PTCD1: variants seen among roughly 807,000 people sequenced by gnomAD.
PTCD1 encodes pentatricopeptide repeat-containing protein 1, mitochondrial.
In PTCD1, 50 loss-of-function variants were observed where a neutral mutation model predicts 53.4. The ratio of observed to expected loss-of-function variants is 0.94; its 90% confidence interval spans 0.75 to 1.19. The LOEUF (loss-of-function observed/expected upper bound fraction) is 1.19, where lower values mean the gene tolerates loss of function less well. Ranked by LOEUF, PTCD1 falls within the 50% of genes most tolerant of loss-of-function variation. The pLI, the probability that PTCD1 is intolerant of heterozygous loss-of-function variation, is 0.00. For missense variants in PTCD1, 918 were observed against 904.8 expected, an observed-to-expected ratio of 1.01 and a Z score of -0.19; for synonymous variants, 413 against 394.8, an observed-to-expected ratio of 1.05 and a Z score of -0.55.
intron 7 of PTCD1, among the ~76,000 whole-genome samples, chr7:99,422,197 A>G (rs10264303): frequency 0.087 from 13,270 of 152,264 alleles, 1,835 homozygotes; most frequent in African/African-American, 0.29. Flanking sequence ...TCAGCCAGAC[A>G]CAATTTCCAT....
At chr7:99,420,592 T>A (rs1183552099) in intron 7 of PTCD1, among the ~76,000 whole-genome samples, 1 of 152,126 alleles carries the variant, frequency 6.6e-6, no homozygotes, top group East Asian at 1.9e-4. Flanking sequence ...AGACACAAAC[T>A]GAGAGCTGGT....
In PTCD1 at chr7:99,419,318, G is replaced by A. The variant is rs1257878942; in HGVS notation, c.*649C>T. The A allele has an allele frequency of 2.7e-5, 42 of 1,561,584 alleles. 1 individual carries two copies. The Admixed American group carries it at 6.7e-4, about 25-fold the overall frequency. On this transcript the variant is annotated 3_prime_UTR_variant, in exon 8 of 8. Transcript: ENST00000292478. ...ATGGTGGCAGGTCCTTCGTGGGAGG[G>A]TTGCCACATATGTGAGTGTGCAGGG...
intron 3 of PTCD1, 142 bp from the exon 4 acceptor site, chr7:99,429,948 A>T: frequency 9.5e-7 from 1 of 1,049,574 alleles, no homozygotes; most frequent in Non-Finnish European, 1.4e-6. Flanking sequence ...CCATGGACAC[A>T]TCAGAGCCCA....
chr7:99,429,230 ACTGAGAAC>A, intron 4 of PTCD1, 26 bp from the exon 5 acceptor site: 6 of 1,612,590 alleles, frequency 3.7e-6, no homozygotes, highest in Non-Finnish European at 5.1e-6. Context: ...AAGACGTCCC[ACTGAGAAC>A]CTGCAGCAGG....
chr7:99,426,672 G>C (rs1490421067), intron 5 of PTCD1, among the ~76,000 whole-genome samples: 3 of 147,334 alleles, frequency 2.0e-5, no homozygotes, highest in African/African-American at 2.5e-5. Flanking sequence ...CTGCCTGGCT[G>C]CCCAGTCTGG....
Position 99,419,932 on chromosome 7 carries a change from T to TG in PTCD1, c.*34dup. The TG allele has an allele frequency of 6.2e-7, 1 of 1,613,504 alleles. No individual in the cohort carries two copies. Among genetic ancestry groups the TG allele is most frequent in the Non-Finnish European group, 8.5e-7 (1 of 1,180,008 alleles). ...TTGTCCTGGGGCTCCCACAGAGCAC[T>TG]GGGGGCCGAGCACATTGTTCCAGCT... On this transcript the variant is annotated 3_prime_UTR_variant, in exon 8 of 8. Coordinates refer to ENST00000292478, the MANE Select transcript of PTCD1 (RefSeq NM_015545.4).
In PTCD1 at chr7:99,433,280, G is replaced by A; in HGVS notation, c.592C>T (p.Gln198Ter). The stretch of plus-strand genomic sequence containing the variant: ...GGCTGCCCTGCGCCCACATGCACCT[G>A]GTTGTAGAGGTTGAAGGCCTTCTTC... ...YLKKAFNLYNQMKKRDLEPSD... is the reference protein window; with the variant it reads ...YLKKAFNLYN Residue 198 changes from glutamine to a stop codon, truncating the protein, a stop_gained and splice_region_variant, in exon 3 of 8, where the codon CAG (glutamine) becomes TAG (stop). Transcript: ENST00000292478. LOFTEE classifies it high-confidence loss of function. 1.2e-6 allele frequency: 2 copies of A among 1,614,180 alleles called. No homozygotes were observed. The highest frequency in any genetic ancestry group is 1.7e-6 in the Non-Finnish European group (2 of 1,180,036).
chr7:99,420,670 G>A (rs1795764481), intron 7 of PTCD1, among the ~76,000 whole-genome samples: 1 of 152,196 alleles, frequency 6.6e-6, no homozygotes, highest in Admixed American at 6.5e-5. Context: ...AATGACAAAA[G>A]GTTTGGCCGG....
chr7:99,434,601 A>C (rs1314786315), intron 2 of PTCD1, among the ~76,000 whole-genome samples, 189 bp downstream of exon 2: 3 of 151,588 alleles, frequency 2.0e-5, no homozygotes, highest in Non-Finnish European at 4.4e-5. Context: ...CTACAAAAAA[A>C]AAAAAATACA....
In PTCD1 at chr7:99,433,523, G is replaced by A. The variant is rs548798182; in HGVS notation, c.454-105C>T. 97 of 1,593,172 alleles carry A rather than the reference G, an allele frequency of 6.1e-5. No homozygotes were observed. The South Asian group carries it at 8.3e-4, about 14-fold the overall frequency. On this transcript the variant is annotated intron_variant, in intron 2 of 7. Transcript: ENST00000292478. ...GGACCCTCCTAAAATGGTGGAGAAC[G>A]GCGGCCCTGGGTGACTGCAAACCCC...
Position 99,418,427 on chromosome 7 carries a change from T to C in PTCD1, c.*1540A>G, listed in dbSNP as rs778671331. 1 of 154,196 alleles carries C rather than the reference T, an allele frequency of 6.5e-6. No individual in the cohort carries two copies. Among genetic ancestry groups the C allele is most frequent in the African/African-American group, 2.4e-5 (1 of 41,432 alleles). 9.6% of individuals were successfully genotyped at this position (154,196 alleles called of 1,614,324 possible). On this transcript the variant is annotated 3_prime_UTR_variant, in exon 8 of 8. Transcript: ENST00000292478. ...CAGAGTCACAGCAGTGGCCGCTCAG[T>C]GCAGCCCCTCAGCACAGTTGTTGGC...
chr7:99,420,783 T>C (rs1335822485), intron 7 of PTCD1, among the ~76,000 whole-genome samples: 5 of 151,796 alleles, frequency 3.3e-5, no homozygotes, highest in Admixed American at 6.6e-5. Flanking sequence ...ATGGTGAAAC[T>C]CCATCTCTAC....
In PTCD1 at chr7:99,419,327, TATGTG is replaced by T; in HGVS notation, c.*635_*639del. On this transcript the variant is annotated 3_prime_UTR_variant, in exon 8 of 8. Coordinates refer to ENST00000292478, the MANE Select transcript of PTCD1 (RefSeq NM_015545.4). ...GGTCCTTCGTGGGAGGGTTGCCACA[TATGTG>T]AGTGTGCAGGGGCGAGCGTGGCGCA... is the stretch of plus-strand genomic sequence containing the variant. The T allele has an allele frequency of 6.3e-7, 1 of 1,583,720 alleles. No individual in the cohort carries two copies. The highest frequency in any genetic ancestry group is 1.3e-5 in the African/African-American group (1 of 74,466).
In PTCD1 at chr7:99,425,241, G is replaced by C. The variant is rs141834548; in HGVS notation, c.1291C>G (p.Leu431Val). The C allele has an allele frequency of 6.2e-6, 10 of 1,612,226 alleles. No individual in the cohort carries two copies. The highest frequency in any genetic ancestry group is 2.2e-5 in the East Asian group (1 of 44,834). Residue 431 changes from leucine (L) to valine (V), a missense_variant, in exon 6 of 8, where the codon CTG becomes GTG. By Grantham distance (32) the Leu-to-Val change is conservative. Coordinates refer to ENST00000292478, the MANE Select transcript of PTCD1 (RefSeq NM_015545.4). ...TCCAGCTCCACGGGAGGTGGCTTCA[G>C]GGCCACTGCGGTGAGGGCTGCTGTG... ...SHTAALTAVALKPPPVELEVN... is the reference protein window; with the variant it reads ...SHTAALTAVAVKPPPVELEVN...
chr7:99,437,812 G>A (rs190539959), intron 1 of PTCD1, among the ~76,000 whole-genome samples: 1 of 152,196 alleles, frequency 6.6e-6, no homozygotes, highest in East Asian at 1.9e-4. Context: ...TTACAGGAAC[G>A]CGCCACTACT....
chr7:99,427,984 G>C (rs11979174), intron 5 of PTCD1, among the ~76,000 whole-genome samples: 53,419 of 148,342 alleles, frequency 0.36, 15,615 homozygotes, highest in African/African-American at 0.82. Flanking sequence ...CCGCAGGGTC[G>C]TCTGCCTAGG....
Position 99,417,706 on chromosome 7 carries a change from G to T in PTCD1, c.*2261C>A. The T allele has an allele frequency of 1.3e-6, 2 of 1,546,178 alleles. No individual in the cohort carries two copies. Among genetic ancestry groups the T allele is most frequent in the Non-Finnish European group, 1.7e-6 (2 of 1,151,586 alleles). The stretch of plus-strand genomic sequence containing the variant: ...GGGCTGGAATGTCGTTTTGTCCCTG[G>T]ATGTCCTGCTGGCTCTCCCTCGTGG... On this transcript the variant is annotated 3_prime_UTR_variant, in exon 8 of 8. Transcript: ENST00000292478.
chr7:99,433,535 T>C, intron 2 of PTCD1, 117 bp from the exon 3 acceptor site: 2 of 1,581,360 alleles, frequency 1.3e-6, no homozygotes, highest in Non-Finnish European at 1.7e-6. Flanking sequence ...CGGCCCTGGG[T>C]GACTGCAAAC....
chr7:99,420,871 C>T (rs538039960), intron 7 of PTCD1, among the ~76,000 whole-genome samples: 18 of 152,020 alleles, frequency 1.2e-4, no homozygotes, highest in Non-Finnish European at 1.6e-4. Context: ...GGCTTGAACC[C>T]GGGAGGCAGA....
Sources: allele counts gnomAD v4.1 joint callset (sites outside exome capture counted in the v4.1 genomes callset), GRCh38; gene constraint gnomAD v4.1.1; transcripts MANE v1.5; gene names NCBI Gene and HGNC (gene_info 2026-07-23, HGNC 2026-07-21).